The following SP6 variants were observed in gnomAD, a reference collection of about 807,000 sequenced individuals.
SP6 encodes the protein Sp6 transcription factor.
Under a neutral mutation model 23.4 loss-of-function variants are expected in SP6, and 10 were observed. That is an observed-to-expected ratio of 0.43 (90% confidence interval 0.26 to 0.72). The LOEUF is 0.72. SP6 is among the 30% of genes least tolerant of loss of function. The probability of loss-of-function intolerance (pLI) is 0.23; values close to 1 mark genes in which losing one functional copy is unlikely to be tolerated. For synonymous variants in SP6, 238 were observed against 238.7 expected, an observed-to-expected ratio of 1.00 and a Z score of 0.03; for missense variants, 482 against 523.8, an observed-to-expected ratio of 0.92 and a Z score of 0.78.
the SP6 span, among the ~76,000 whole-genome samples, chr17:47,874,030 C>CCATCCT: frequency 4.0e-5 from 6 of 150,108 alleles, no homozygotes; most frequent in Admixed American, 2.7e-4. Flanking sequence ...CTTCCCTCCT[C>CCATCCT]CTTCCTCTTC....
the SP6 span, among the ~76,000 whole-genome samples, chr17:47,862,089 T>C: frequency 6.6e-6 from 1 of 150,532 alleles, no homozygotes; most frequent in African/African-American, 2.5e-5. Flanking sequence ...CTCATGCCTG[T>C]AATCCCAGCT....
chr17:47,848,237 G>C lies in SP6; in HGVS notation c.193C>G (p.Gln65Glu). Reference protein sequence around the residue: ...LPLGPEVDFSQGYELPGASSR... With the variant: ...LPLGPEVDFSEGYELPGASSR... ...GAGGCCCCTGGCAGCTCATAGCCCT[G>C]CGAGAAGTCCACCTCCGGGCCCAGC... Residue 65 changes from glutamine to glutamate, a missense_variant, in exon 2 of 2, where the codon CAG becomes GAG. Around this residue, in one of 3 missense-constraint regions of SP6, gnomAD observed 330 missense variants for 332.3 expected, o/e 0.99. Coordinates refer to ENST00000536300, the MANE Select transcript of SP6 (RefSeq NM_001258248.2). This position sits in a 1 kb window ranked among gnomAD's most constrained non-coding sequence, Gnocchi z 5.3. The C allele has an allele frequency of 6.2e-7, 1 of 1,612,048 alleles. No homozygotes were observed. Among genetic ancestry groups the C allele is most frequent in the South Asian group, 1.1e-5 (1 of 91,048 alleles).
chr17:47,849,568 G>A (rs1306732582), intron 1 of SP6, among the ~76,000 whole-genome samples: 1 of 152,178 alleles, frequency 6.6e-6, no homozygotes, highest in Non-Finnish European at 1.5e-5. Flanking sequence ...GAGAACCACT[G>A]CTCCAGGCCA....
the SP6 span, among the ~76,000 whole-genome samples, chr17:47,874,003 C>CTCCT: frequency 6.7e-6 from 1 of 150,266 alleles, no homozygotes; most frequent in African/African-American, 2.5e-5. Flanking sequence ...TCTTTTTCTT[C>CTCCT]TCCTTCCTCC....
At chr17:47,870,994 G>C in the SP6 span, among the ~76,000 whole-genome samples, 1 of 152,176 alleles carries the variant, frequency 6.6e-6, no homozygotes, top group African/African-American at 2.4e-5. Context: ...TGAGAAGAGG[G>C]ATTCTTCTCT....
Position 47,845,838 on chromosome 17 carries a change from G to A in SP6, c.*1461C>T, listed in dbSNP as rs1430579114. On this transcript the variant is annotated 3_prime_UTR_variant, in exon 2 of 2. Transcript: ENST00000536300. ...GCGAGGGGAAGGGGGAGGGGTGTCA[G>A]AGGGACTGTAAGGCCCCTCTCTTGA... 1 of 152,272 alleles carries A rather than the reference G, an allele frequency of 6.6e-6. No individual in the cohort carries two copies. The highest frequency in any genetic ancestry group is 2.4e-5 in the African/African-American group (1 of 41,444). The allele number at this position is 152,272 out of a possible 1,614,324, so 9.4% of individuals were successfully genotyped here.
the SP6 span, among the ~76,000 whole-genome samples, chr17:47,875,077 CA>C: frequency 6.6e-6 from 1 of 150,376 alleles, no homozygotes; most frequent in Non-Finnish European, 1.5e-5. Flanking sequence ...TCCCCTCTCC[CA>C]CCCGGCTTCT....
upstream of SP6, among the ~76,000 whole-genome samples, chr17:47,854,752 G>A (rs982973415): frequency 6.6e-6 from 1 of 152,132 alleles, no homozygotes; most frequent in African/African-American, 2.4e-5. Flanking sequence ...CCAAGCCCTC[G>A]TTTTACTGGT....
upstream of SP6, among the ~76,000 whole-genome samples, chr17:47,854,719 G>C (rs1356435301): frequency 6.6e-6 from 1 of 152,156 alleles, no homozygotes; most frequent in East Asian, 1.9e-4. Flanking sequence ...TATCAAAGCT[G>C]GTCTAGCCCC....
chr17:47,864,985 A>G, the SP6 span: 1 of 152,290 alleles, frequency 6.6e-6, no homozygotes, highest in Non-Finnish European at 1.5e-5. Flanking sequence ...ACAGCCTGGC[A>G]TCGACTCATG....
At chr17:47,849,176 A>T (rs1330796312) in intron 1 of SP6, among the ~76,000 whole-genome samples, 1 of 151,942 alleles carries the variant, frequency 6.6e-6, no homozygotes, top group Non-Finnish European at 1.5e-5. Context: ...TCTGGCCACC[A>T]GATACCCCTG....
the SP6 span, among the ~76,000 whole-genome samples, chr17:47,871,621 CTTT>C: frequency 7.0e-6 from 1 of 142,478 alleles, no homozygotes; most frequent in African/African-American, 2.6e-5. Flanking sequence ...CTGTTTCTTT[CTTT>C]TTTTTTTTTT....
rs1319197559 is a variant in SP6 at position 47,846,472 on chromosome 17, T to A, written c.*827A>T. 6.6e-6 allele frequency: 1 copy of A among 152,160 alleles called. No homozygotes were observed. Among genetic ancestry groups the A allele is most frequent in the Non-Finnish European group, 1.5e-5 (1 of 68,030 alleles). 9.4% of individuals were successfully genotyped at this position (152,160 alleles called of 1,614,324 possible). ...AACTTTATTTATCATAGACCAAGAA[T>A]TAAGGGCTGAATCAGAGGTGGAGAG... On this transcript the variant is annotated 3_prime_UTR_variant, in exon 2 of 2. Transcript: ENST00000536300.
rs771877517 is a variant in SP6 at position 47,848,074 on chromosome 17, G to T, written c.356C>A (p.Ser119Ter). ...RPTHPGAEDG[S>*]WWDLHPGTSW... Reference sequence around the variant, plus strand: ...GGTGCCCGGATGAAGGTCCCACCACGAGCCATCCTCCGCGCCTGGGTGAGT... The same window carrying T: ...GGTGCCCGGATGAAGGTCCCACCACTAGCCATCCTCCGCGCCTGGGTGAGT... The change falls in exon 2 of 2, where the codon TCG becomes TAG. Residue 119 changes from serine to a stop codon, truncating the protein, a stop_gained. Transcript: ENST00000536300. LOFTEE classifies it high-confidence loss of function. This position sits in a 1 kb window ranked among gnomAD's most constrained non-coding sequence, Gnocchi z 5.3. 1 of 1,613,354 alleles carries T rather than the reference G, an allele frequency of 6.2e-7. No homozygotes were observed. Among genetic ancestry groups the T allele is most frequent in the South Asian group, 1.1e-5 (1 of 91,030 alleles).
At chr17:47,851,253 G>A (rs987279258), upstream of SP6, 1 of 12,338 alleles carries the variant, frequency 8.1e-5, no homozygotes, top group African/African-American at 4.0e-4. Flanking sequence ...TTGAGGGCTC[G>A]GCTGGACCGG....
the SP6 span, among the ~76,000 whole-genome samples, chr17:47,866,410 T>A: frequency 6.6e-6 from 1 of 152,016 alleles, no homozygotes; most frequent in East Asian, 1.9e-4. Flanking sequence ...AGGAGGAAGA[T>A]GGGCCCAGGT....
upstream of SP6, among the ~76,000 whole-genome samples, chr17:47,859,250 C>T (rs143696017): frequency 1.4e-4 from 21 of 152,282 alleles, no homozygotes; most frequent in African/African-American, 4.8e-4. Flanking sequence ...TTAATGTTCA[C>T]CAAACATGTC....
the SP6 span, among the ~76,000 whole-genome samples, chr17:47,875,129 C>A: frequency 6.6e-6 from 1 of 152,202 alleles, no homozygotes; most frequent in African/African-American, 2.4e-5. Context: ...GCCTCCTCCT[C>A]CTCTTCTCCC....
upstream of SP6, among the ~76,000 whole-genome samples, chr17:47,860,514 A>T (rs2143667915): frequency 6.6e-6 from 1 of 152,268 alleles, no homozygotes; most frequent in East Asian, 1.9e-4. Flanking sequence ...GATTGAATTT[A>T]CACCCTTTGC....
Sources: allele counts gnomAD v4.1 joint callset (sites outside exome capture counted in the v4.1 genomes callset), GRCh38; gene constraint gnomAD v4.1.1; regional missense constraint gnomAD v4.1.1; non-coding constraint Gnocchi (gnomAD v3.1); transcripts MANE v1.5; gene names NCBI Gene and HGNC (gene_info 2026-07-23, HGNC 2026-07-21).